GAPVD1: variants seen among roughly 807,000 people sequenced by gnomAD.
GAPVD1 encodes the protein GTPase-activating protein and VPS9 domain-containing protein 1.
GAPVD1 carries 35 observed loss-of-function variants against 155.5 expected under a neutral mutation model. The observed-to-expected ratio is 0.23, with a 90% CI of 0.17 to 0.30. GAPVD1 has a LOEUF of 0.30. GAPVD1 is among the 10% of genes least tolerant of loss of function. GAPVD1 has a pLI of 1.00. For synonymous variants in GAPVD1, 636 were observed against 619.7 expected (o/e 1.03, Z -0.39); for missense variants, 1,429 against 1,775.7 (o/e 0.80, Z 3.51).
chr9:125,333,831 G>T (rs1170888363), intron 15 of GAPVD1, among the ~76,000 whole-genome samples: 4 of 152,104 alleles, frequency 2.6e-5, no homozygotes, highest in Admixed American at 6.6e-5. Flanking sequence ...TTCTAAACCA[G>T]GGTTTTTTAA....
intron 2 of GAPVD1, among the ~76,000 whole-genome samples, chr9:125,280,716 C>T (rs1445248242): frequency 6.6e-6 from 1 of 151,788 alleles, no homozygotes; most frequent in African/African-American, 2.4e-5. Context: ...ACTGGGATTA[C>T]ATGCGCCTGC....
rs1842078102 is a variant in GAPVD1, at chr9:125,307,721, G to T, written c.1282G>T (p.Asp428Tyr). ...VNFMKSVMSG[D>Y]QLREDRMALD... ...TTTTATGAAGAGTGTGATGTCTGGA[G>T]ATCAACTGAGAGAAGATAGAATGGC... is the stretch of plus-strand genomic sequence containing the variant. Residue 428 changes from aspartate to tyrosine, a missense_variant, in exon 8 of 28, where the codon GAT (aspartate) becomes TAT (tyrosine). Asp to Tyr is a radical substitution (Grantham distance 160). Transcript: ENST00000297933. The T allele has an allele frequency of 1.9e-6, 3 of 1,613,880 alleles. No individual in the cohort carries two copies. Among genetic ancestry groups the T allele is most frequent in the African/African-American group, 2.7e-5 (2 of 74,914 alleles).
Position 125,359,412 on chromosome 9 carries a change from G to C in GAPVD1, c.3972-8G>C. On this transcript the variant is annotated splice_region_variant and splice_polypyrimidine_tract_variant and intron_variant, in intron 25 of 27. Coordinates refer to ENST00000297933, the MANE Select transcript of GAPVD1 (RefSeq NM_001282680.3). The stretch of plus-strand genomic sequence containing the variant: ...AATGTTTACATGTGTATTTTGGGGG[G>C]TTTTCAGGGTTCTTCATGAACATAT... The C allele has an allele frequency of 2.6e-6, 4 of 1,537,912 alleles. No individual in the cohort carries two copies. The highest frequency in any genetic ancestry group is 1.7e-4 in the Middle Eastern group (1 of 5,906).
rs187898229 is a variant in GAPVD1, at chr9:125,324,850, G to C, written c.1858+927G>C. 6.6e-5 allele frequency among the ~76,000 whole-genome samples: 10 copies of C among 152,300 alleles called. No homozygotes were observed. The East Asian group carries it at 1.9e-3, about 29-fold the overall frequency. Reference sequence around the variant, plus strand: ...AGTAGTAAGCTGGAAGCCACTGAAGGCTTTTGGTTCAGTGAAGATGAGGAA... The same window carrying C: ...AGTAGTAAGCTGGAAGCCACTGAAGCCTTTTGGTTCAGTGAAGATGAGGAA... On this transcript the variant is annotated intron_variant, in intron 11 of 27. Transcript: ENST00000297933.
intron 19 of GAPVD1, among the ~76,000 whole-genome samples, chr9:125,343,854 T>A (rs567637377): frequency 8.5e-5 from 13 of 152,378 alleles, no homozygotes; most frequent in African/African-American, 2.6e-4. Flanking sequence ...CACTAGCGTT[T>A]ACAAAGTGAA....
At chr9:125,296,354 T>C (rs1353622085) in intron 3 of GAPVD1, among the ~76,000 whole-genome samples, 1 of 132,788 alleles carries the variant, frequency 7.5e-6, no homozygotes, top group Non-Finnish European at 1.6e-5. Flanking sequence ...CATATAGTTC[T>C]TAGGTTTTTT....
intron 3 of GAPVD1, among the ~76,000 whole-genome samples, chr9:125,298,007 A>C (rs1036067165): frequency 2.6e-4 from 40 of 152,060 alleles, no homozygotes; most frequent in Non-Finnish European, 1.0e-4. Context: ...TGGCCTCCCA[A>C]AGTGCTGGGA....
At chr9:125,310,781 A>G (rs1185987732) in intron 8 of GAPVD1, among the ~76,000 whole-genome samples, 1 of 149,484 alleles carries the variant, frequency 6.7e-6, no homozygotes, top group African/African-American at 2.5e-5. Context: ...CAGGAGATCC[A>G]CCCACCTCAG....
In GAPVD1 at chr9:125,365,375, C is replaced by G. The variant is rs1338916306; in HGVS notation, c.*2629C>G. 6.7e-6 allele frequency: 1 copy of G among 149,852 alleles called. No individual in the cohort carries two copies. The highest frequency in any genetic ancestry group is 1.9e-4 in the East Asian group (1 of 5,130). The allele number at this position is 149,852 out of a possible 1,614,324, so 9.3% of individuals were successfully genotyped here. Reference sequence around the variant, plus strand: ...ATAGTTGTTCCCCAAATGTTTCTTCCTCCACTGCCTTCCAGTACTTTCTTT... The same window carrying G: ...ATAGTTGTTCCCCAAATGTTTCTTCGTCCACTGCCTTCCAGTACTTTCTTT... On this transcript the variant is annotated 3_prime_UTR_variant, in exon 28 of 28. Transcript: ENST00000297933.
intron 8 of GAPVD1, among the ~76,000 whole-genome samples, chr9:125,310,590 A>C (rs985656419): frequency 7.2e-6 from 1 of 138,030 alleles, no homozygotes; most frequent in African/African-American, 2.8e-5. Flanking sequence ...CCCAGGCTGG[A>C]GTGCAATGGC....
intron 4 of GAPVD1, among the ~76,000 whole-genome samples, chr9:125,301,241 A>G (rs978913998): frequency 6.6e-6 from 1 of 151,626 alleles, no homozygotes; most frequent in South Asian, 2.1e-4. Context: ...GCTAATTTTC[A>G]TATTTTTTTG....
intron 2 of GAPVD1, among the ~76,000 whole-genome samples, chr9:125,280,422 A>G (rs1303507400): frequency 1.4e-5 from 2 of 142,996 alleles, no homozygotes; most frequent in African/African-American, 5.3e-5. Flanking sequence ...AAAAAAAAAG[A>G]ATAAATGAGA....
In GAPVD1 at chr9:125,342,268, T is replaced by A. The variant is rs753687582; in HGVS notation, c.3015T>A (p.Asp1005Glu). 11 of 1,600,898 alleles carry A rather than the reference T, an allele frequency of 6.9e-6. No homozygotes were observed. The Admixed American group carries it at 1.8e-4, about 27-fold the overall frequency. The change falls in exon 19 of 28, where the codon GAT becomes GAA. Residue 1005 changes from aspartate (D) to glutamate (E), a missense_variant. Physicochemically the swap from Asp to Glu is conservative, Grantham distance 45. This residue lies in a region of GAPVD1 where 699 missense variants were observed against 826.0 expected (regional missense o/e 0.85). Transcript: ENST00000297933. ...KKEKQEKDKDDLGPDRFSTLT... is the reference protein window; with the variant it reads ...KKEKQEKDKDELGPDRFSTLT... ...AAAAACAAGAAAAAGACAAAGATGA[T>A]CTGGGGCCTGACAGATTCTCAACAC...
Position 125,312,472 on chromosome 9 carries a change from A to G in GAPVD1, c.1462A>G (p.Thr488Ala). The change falls in exon 9 of 28, where the codon ACC (threonine) becomes GCC (alanine). Residue 488 changes from threonine (T) to alanine (A), a missense_variant. By Grantham distance (58) the Thr-to-Ala change is moderately conservative (BLOSUM62 0). This residue lies in a region of GAPVD1 where 628 missense variants were observed against 733.4 expected (regional missense o/e 0.86). Coordinates refer to ENST00000297933, the MANE Select transcript of GAPVD1 (RefSeq NM_001282680.3). ...LPIATRSRSR[T>A]NMLMDLHMDH... Reference sequence around the variant, plus strand: ...ATTAGCAACTCGGAGCAGAAGCCGCACCAATATGCTAATGGACCTACATAT... The same window carrying G: ...ATTAGCAACTCGGAGCAGAAGCCGCGCCAATATGCTAATGGACCTACATAT... The G allele has an allele frequency of 1.1e-5, 18 of 1,589,890 alleles. No individual in the cohort carries two copies. The highest frequency in any genetic ancestry group is 4.5e-5 in the East Asian group (2 of 44,510).
chr9:125,346,783 A>G (rs1312971459), intron 19 of GAPVD1, 36 bp from the exon 20 acceptor site: 2 of 1,577,510 alleles, frequency 1.3e-6, no homozygotes, highest in Admixed American at 3.3e-5. Context: ...GTACAAACCC[A>G]AGGGGCTAAT....
chr9:125,304,057 TTTTG>T (rs919960713), intron 5 of GAPVD1: 7 of 152,104 alleles, frequency 4.6e-5, no homozygotes, highest in Non-Finnish European at 1.0e-4. Flanking sequence ...GTAGGTTTTT[TTTTG>T]TTTGTCTGTT....
rs1453407733 is a variant in GAPVD1 at position 125,366,374 on chromosome 9, C to T, written c.*3628C>T. On this transcript the variant is annotated 3_prime_UTR_variant, in exon 28 of 28. Coordinates refer to ENST00000297933, the MANE Select transcript of GAPVD1 (RefSeq NM_001282680.3). ...AACTAGGTGTTTTAAAATTGTTTTT[C>T]TCCTATGTGATTGGGTGTGAAGAGG... The T allele has an allele frequency of 6.6e-6, 1 of 152,162 alleles. No homozygotes were observed. Among genetic ancestry groups the T allele is most frequent in the Non-Finnish European group, 1.5e-5 (1 of 68,036 alleles). The allele number at this position is 152,162 out of a possible 1,614,324, so 9.4% of individuals were successfully genotyped here.
chr9:125,307,951 T>A, intron 8 of GAPVD1, 71 bp downstream of exon 8: 2 of 1,030,048 alleles, frequency 1.9e-6, no homozygotes, highest in Non-Finnish European at 1.5e-6. Flanking sequence ...TATTGCTGAG[T>A]GTTTTGGAAC....
At chr9:125,336,804 C>G in intron 15 of GAPVD1, 1 of 539,856 alleles carries the variant, frequency 1.9e-6, no homozygotes, top group Non-Finnish European at 3.3e-6. Context: ...TGCCAGACCA[C>G]TTAAATGTAA....
Sources: allele counts gnomAD v4.1 joint callset (sites outside exome capture counted in the v4.1 genomes callset), GRCh38; gene constraint gnomAD v4.1.1; regional missense constraint gnomAD v4.1.1; transcripts MANE v1.5; gene names NCBI Gene and HGNC (gene_info 2026-07-23, HGNC 2026-07-21).